Variants in XKR6 observed in about 807,000 individuals in gnomAD.
The protein encoded by XKR6 is XK related 6.
XKR6 carries 22 observed loss-of-function variants against 56.7 expected under a neutral mutation model. That is an observed-to-expected ratio of 0.39 (90% confidence interval 0.28 to 0.55). The LOEUF (loss-of-function observed/expected upper bound fraction) is 0.55, where lower values mean the gene tolerates loss of function less well. XKR6 is among the 20% of genes least tolerant of loss of function. The probability of loss-of-function intolerance (pLI) is 0.66; values close to 1 mark genes in which losing one functional copy is unlikely to be tolerated. For missense variants in XKR6, 852 were observed against 889.0 expected, an observed-to-expected ratio of 0.96 and a Z score of 0.53; for synonymous variants, 524 against 387.8, an observed-to-expected ratio of 1.35 and a Z score of -4.13.
At chr8:11,007,485 C>T (rs1244102598) in intron 1 of XKR6, among the ~76,000 whole-genome samples, 4 of 152,174 alleles carry the variant, frequency 2.6e-5, no homozygotes, top group Non-Finnish European at 5.9e-5. Flanking sequence ...ACTGCGGCCT[C>T]TCGCATGGAC....
chr8:11,170,643 T>A (rs1429357256), intron 1 of XKR6, among the ~76,000 whole-genome samples: 1 of 152,226 alleles, frequency 6.6e-6, no homozygotes, highest in African/African-American at 2.4e-5. Flanking sequence ...GTTGCACAAC[T>A]CTGTGAAGAT....
intron 1 of XKR6, among the ~76,000 whole-genome samples, chr8:11,178,005 A>G (rs1167372087): frequency 3.9e-5 from 6 of 152,162 alleles, no homozygotes; most frequent in Non-Finnish European, 7.3e-5. Context: ...AACGGATCCC[A>G]TCGCACCTGG....
chr8:11,119,294 G>C (rs1481169557), intron 1 of XKR6, among the ~76,000 whole-genome samples: 1 of 152,166 alleles, frequency 6.6e-6, no homozygotes, highest in African/African-American at 2.4e-5. Flanking sequence ...TGTTGATTTG[G>C]GGTGGAGAGT....
intron 1 of XKR6, among the ~76,000 whole-genome samples, chr8:11,121,195 T>A (rs934838889): frequency 1.2e-4 from 19 of 152,042 alleles, no homozygotes; most frequent in African/African-American, 3.6e-4. Context: ...ATGGGATCTG[T>A]TTAAACTAAA....
chr8:11,119,559 T>C (rs1395071563), intron 1 of XKR6, among the ~76,000 whole-genome samples: 4 of 152,224 alleles, frequency 2.6e-5, no homozygotes, highest in Non-Finnish European at 4.4e-5. Context: ...TTTACCATTA[T>C]GTAATGGCCT....
chr8:10,905,668 G>C (rs925264945), intron 2 of XKR6, among the ~76,000 whole-genome samples: 30 of 152,106 alleles, frequency 2.0e-4, no homozygotes, highest in African/African-American at 6.8e-4. Flanking sequence ...CCCCCTCCCT[G>C]CCTCCCTCCC....
chr8:11,171,963 G>C lies in XKR6; in HGVS notation c.764+28613C>G, dbSNP rs192404747. Among the ~76,000 whole-genome samples the C allele has an allele frequency of 2.0e-4, 30 of 151,788 alleles. 1 individual carries two copies. The highest frequency in any genetic ancestry group is 1.0e-4 in the Non-Finnish European group (7 of 67,978). ...TGCTACTCAGGAGGCTGAAGCAAAAGAATCGCTTGAACCCGGGAGGCACAG... is the reference window on the plus strand; with the variant it reads ...TGCTACTCAGGAGGCTGAAGCAAAACAATCGCTTGAACCCGGGAGGCACAG... On this transcript the variant is annotated intron_variant, in intron 1 of 2. Coordinates refer to ENST00000416569, the MANE Select transcript of XKR6 (RefSeq NM_173683.4).
chr8:10,959,881 C>T (rs1802009404), intron 1 of XKR6, among the ~76,000 whole-genome samples: 1 of 152,182 alleles, frequency 6.6e-6, no homozygotes, highest in South Asian at 2.1e-4. Context: ...AGTGGTTCTC[C>T]TTCCAAACAT....
chr8:10,929,485 A>G (rs1484559730), intron 1 of XKR6, among the ~76,000 whole-genome samples: 1 of 152,220 alleles, frequency 6.6e-6, no homozygotes, highest in Non-Finnish European at 1.5e-5. Flanking sequence ...GCTCCTGCCC[A>G]CGCACCTCCC....
chr8:11,161,159 T>C (rs1801785223), intron 1 of XKR6, among the ~76,000 whole-genome samples: 1 of 152,066 alleles, frequency 6.6e-6, no homozygotes, highest in Non-Finnish European at 1.5e-5. Flanking sequence ...CTGGTAGAAA[T>C]TAAATTCAAG....
intron 2 of XKR6, among the ~76,000 whole-genome samples, chr8:10,908,136 G>A (rs1052205914): frequency 6.6e-6 from 1 of 152,224 alleles, no homozygotes; most frequent in African/African-American, 2.4e-5. Flanking sequence ...GTGAGCAGAA[G>A]GGATGTGTGG....
At chr8:10,913,404 T>C (rs1386515698) in intron 2 of XKR6, among the ~76,000 whole-genome samples, 1 of 152,070 alleles carries the variant, frequency 6.6e-6, no homozygotes, top group African/African-American at 2.4e-5. Flanking sequence ...ACCGTTGCCT[T>C]GCCCCTTAGC....
intron 1 of XKR6, among the ~76,000 whole-genome samples, chr8:11,132,767 G>GCACACACACA (rs149748655): frequency 0.029 from 3,969 of 138,144 alleles, 186 homozygotes; most frequent in African/African-American, 0.1. Flanking sequence ...ACACACGCAC[G>GCACACACACA]CACACACACA....
At chr8:11,055,282 G>C (rs1799653652) in intron 1 of XKR6, among the ~76,000 whole-genome samples, 1 of 152,140 alleles carries the variant, frequency 6.6e-6, no homozygotes, top group South Asian at 2.1e-4. Flanking sequence ...GGAGGCTGCA[G>C]GCAGGCCAAG....
At chr8:11,076,925 C>T (rs115457975) in intron 1 of XKR6, among the ~76,000 whole-genome samples, 2,759 of 152,256 alleles carry the variant, frequency 0.018, 91 homozygotes, top group African/African-American at 0.064. Flanking sequence ...GCGTGTAATC[C>T]CAGCACTTTG....
intron 1 of XKR6, among the ~76,000 whole-genome samples, chr8:11,100,517 C>G (rs968091014): frequency 2.0e-5 from 3 of 152,184 alleles, no homozygotes; most frequent in Non-Finnish European, 2.9e-5. Context: ...CACGAAGTGG[C>G]TGGGAGGATG....
intron 1 of XKR6, among the ~76,000 whole-genome samples, chr8:11,092,427 C>G (rs898488052): frequency 6.6e-6 from 1 of 152,032 alleles, no homozygotes. Flanking sequence ...AGTTTGCAGC[C>G]CAAATGGAAC....
chr8:10,900,640 T>C (rs545753881), intron 2 of XKR6, among the ~76,000 whole-genome samples: 43 of 152,356 alleles, frequency 2.8e-4, no homozygotes, highest in African/African-American at 1.0e-3. Flanking sequence ...ATGGCAATTT[T>C]CCTTTTCTTT....
In XKR6 at chr8:10,924,795, T is replaced by C. The variant is rs1563291598; in HGVS notation, c.800A>G (p.Gln267Arg). Reference sequence around the variant, plus strand: ...GCGTCGCTGGTGTTCCTTCCGCCGCTGGCTCTGAATCCCCAGGTACATGGT... The same window carrying C: ...GCGTCGCTGGTGTTCCTTCCGCCGCCGGCTCTGAATCCCCAGGTACATGGT... ...IRTMYLGIQS[Q>R]RRKEHQRRFY... is the part of the protein sequence containing the mutation. The change falls in exon 2 of 3, where the codon CAG (glutamine) becomes CGG (arginine). Residue 267 changes from glutamine (Q) to arginine (R), a missense_variant. Coordinates refer to ENST00000416569, the MANE Select transcript of XKR6 (RefSeq NM_173683.4). The C allele has an allele frequency of 6.2e-7, 1 of 1,614,014 alleles. No homozygotes were observed. The highest frequency in any genetic ancestry group is 8.5e-7 in the Non-Finnish European group (1 of 1,179,956).
Sources: gnomAD v4.1 joint callset for allele counts (sites outside exome capture counted in the v4.1 genomes callset) on GRCh38, gnomAD v4.1.1 for gene constraint, MANE v1.5 for transcripts, NCBI Gene and HGNC (gene_info 2026-07-23, HGNC 2026-07-21) for gene names.